The following PRKCA variants were observed in gnomAD, a reference collection of about 807,000 sequenced individuals.
PRKCA encodes the protein protein kinase C alpha type.
In PRKCA, 27 loss-of-function variants were observed where a neutral mutation model predicts 87.0. That is an observed-to-expected ratio of 0.31 (90% CI 0.23 to 0.43). PRKCA has a LOEUF of 0.43. Among genes scored for constraint, PRKCA ranks in the 20% least tolerant of loss-of-function variants. PRKCA has a pLI of 1.00. For missense variants in PRKCA, 518 were observed against 852.3 expected (o/e 0.61, Z 4.88); for synonymous variants, 329 against 311.1 (o/e 1.06, Z -0.61).
rs1261529005 is a variant in PRKCA, at chr17:66,404,769, TGA to T, written c.206-91429_206-91428del. On this transcript the variant is annotated intron_variant, in intron 2 of 16. Coordinates refer to ENST00000413366, the MANE Select transcript of PRKCA (RefSeq NM_002737.3). ...TTTTTTTTTTTTTTTTTTTTTTTTT[TGA>T]GACAGCGTTTCACTCTAGTGCAGGC... Among the ~76,000 whole-genome samples the T allele has an allele frequency of 9.5e-4, 135 of 141,422 alleles. 2 individuals carry two copies. Among genetic ancestry groups the T allele is most frequent in the Non-Finnish European group, 1.7e-3 (110 of 65,400 alleles). 92.8% of individuals were successfully genotyped at this position (141,422 alleles called of 152,430 possible). A position where few individuals can be genotyped will look rare whatever the true frequency, so the allele number is the denominator to read the frequency against.
intron 5 of PRKCA, among the ~76,000 whole-genome samples, chr17:66,673,738 C>T (rs1020991118): frequency 7.9e-5 from 12 of 152,154 alleles, no homozygotes; most frequent in Non-Finnish European, 8.8e-5. Flanking sequence ...AATTGTTCAT[C>T]GTGGTTGATG....
In PRKCA at chr17:66,547,251, A is replaced by G. The variant is rs1320798616; in HGVS notation, c.288+50968A>G. ...TCTTTCAAACAGTTATTTCCCTTTC[A>G]AAACCAAGACAAGTCTTGCCTTCTT... is the stretch of plus-strand genomic sequence containing the variant. On this transcript the variant is annotated intron_variant, in intron 3 of 16. Transcript: ENST00000413366. Among the ~76,000 whole-genome samples, 8 of 152,154 alleles carry G rather than the reference A, an allele frequency of 5.3e-5. No individual in the cohort carries two copies. The East Asian group carries it at 1.3e-3, about 26-fold the overall frequency.
chr17:66,565,411 G>C (rs1300399713), intron 3 of PRKCA, among the ~76,000 whole-genome samples: 1 of 152,198 alleles, frequency 6.6e-6, no homozygotes, highest in African/African-American at 2.4e-5. Flanking sequence ...CCCCAGCAGG[G>C]TGTCTGTGTT....
At chr17:66,739,296 T>C (rs1309856122) in intron 11 of PRKCA, among the ~76,000 whole-genome samples, 1 of 152,184 alleles carries the variant, frequency 6.6e-6, no homozygotes, top group African/African-American at 2.4e-5. Context: ...ACTGGTAGGA[T>C]CCATCTAAGA....
At chr17:66,614,534 A>G (rs533751403) in intron 3 of PRKCA, among the ~76,000 whole-genome samples, 1 of 152,282 alleles carries the variant, frequency 6.6e-6, no homozygotes, top group Admixed American at 6.5e-5. Context: ...ATCTGTGTTT[A>G]TCTCATGCCA....
At chr17:66,348,670 C>T (rs72846607) in intron 2 of PRKCA, among the ~76,000 whole-genome samples, 6,838 of 152,206 alleles carry the variant, frequency 0.045, 220 homozygotes, top group Admixed American at 0.076. Flanking sequence ...TAGTCAACAC[C>T]ACTATCTCAT....
chr17:66,801,391 C>CCAGG (rs1975894152), intron 16 of PRKCA, among the ~76,000 whole-genome samples: 1 of 152,160 alleles, frequency 6.6e-6, no homozygotes, highest in Non-Finnish European at 1.5e-5. Context: ...AAATGGGTTC[C>CCAGG]CTGGGGGAAG....
intron 3 of PRKCA, among the ~76,000 whole-genome samples, chr17:66,548,565 G>C (rs1282153013): frequency 1.3e-5 from 2 of 152,144 alleles, no homozygotes; most frequent in African/African-American, 4.8e-5. Flanking sequence ...CTGGTGTCCT[G>C]AGTGGTGGCC....
intron 3 of PRKCA, among the ~76,000 whole-genome samples, chr17:66,537,980 T>C (rs7222499): frequency 0.21 from 31,837 of 152,042 alleles, 3,644 homozygotes; most frequent in African/African-American, 0.29. Flanking sequence ...TAATTTTTTG[T>C]ATTTTTAGTA....
intron 3 of PRKCA, among the ~76,000 whole-genome samples, chr17:66,617,256 G>A (rs1461804277): frequency 6.6e-6 from 1 of 152,092 alleles, no homozygotes; most frequent in East Asian, 1.9e-4. Flanking sequence ...ACCTACCTCG[G>A]TATGGGCTGT....
At chr17:66,519,591 T>C (rs899886470) in intron 3 of PRKCA, among the ~76,000 whole-genome samples, 1 of 152,174 alleles carries the variant, frequency 6.6e-6, no homozygotes, top group Non-Finnish European at 1.5e-5. Flanking sequence ...ATACTGGGAA[T>C]TAAATGGGGT....
chr17:66,399,104 T>TCTTTTC (rs1555598365), intron 2 of PRKCA, among the ~76,000 whole-genome samples: 6 of 131,990 alleles, frequency 4.5e-5, no homozygotes, highest in East Asian at 4.8e-4. Context: ...TCTTTTCTTT[T>TCTTTTC]TTTTTTTTTT....
chr17:66,512,457 A>AGTGT (rs71160573), intron 3 of PRKCA, among the ~76,000 whole-genome samples: 2,638 of 144,412 alleles, frequency 0.018, 51 homozygotes, highest in African/African-American at 0.05. Flanking sequence ...CAACAAAAAA[A>AGTGT]GTGTGTGTGT....
At chr17:66,446,583 A>G (rs1162620135) in intron 2 of PRKCA, among the ~76,000 whole-genome samples, 2 of 152,208 alleles carry the variant, frequency 1.3e-5, no homozygotes, top group African/African-American at 2.4e-5. Flanking sequence ...GTCAAGGGCT[A>G]TGAATGCTGC....
chr17:66,331,989 G>A (rs543119285), intron 2 of PRKCA, among the ~76,000 whole-genome samples: 4 of 150,768 alleles, frequency 2.7e-5, no homozygotes, highest in Admixed American at 6.6e-5. Context: ...TTATTTTTTC[G>A]TTTGCTGTTG....
chr17:66,565,924 A>G (rs1040259125), intron 3 of PRKCA, among the ~76,000 whole-genome samples: 1 of 152,138 alleles, frequency 6.6e-6, no homozygotes, highest in Non-Finnish European at 1.5e-5. Flanking sequence ...CCACAGCCCT[A>G]GTCCTCAAGT....
intron 2 of PRKCA, among the ~76,000 whole-genome samples, chr17:66,316,097 C>T (rs1354445549): frequency 6.6e-6 from 1 of 152,104 alleles, no homozygotes; most frequent in African/African-American, 2.4e-5. Flanking sequence ...ATGGAGGAAG[C>T]TCTTCTAAGG....
chr17:66,764,843 C>T (rs1452812591), intron 13 of PRKCA, among the ~76,000 whole-genome samples: 1 of 152,126 alleles, frequency 6.6e-6, no homozygotes, highest in Non-Finnish European at 1.5e-5. Context: ...CACATTGGCC[C>T]ACAAGTGCCA....
chr17:66,590,655 G>C (rs767835077), intron 3 of PRKCA, among the ~76,000 whole-genome samples: 1 of 152,146 alleles, frequency 6.6e-6, no homozygotes, highest in Non-Finnish European at 1.5e-5. Context: ...TCTGAGACCA[G>C]ACTGGCCAAT....
Sources: allele counts gnomAD v4.1 joint callset (sites outside exome capture counted in the v4.1 genomes callset), GRCh38; gene constraint gnomAD v4.1.1; transcripts MANE v1.5; gene names NCBI Gene and HGNC (gene_info 2026-07-23, HGNC 2026-07-21).